Variants in PDZD2 observed in about 807,000 individuals in gnomAD.
PDZD2 encodes the protein PDZ domain containing 2.
Under a neutral mutation model 220.7 loss-of-function variants are expected in PDZD2, and 90 were observed. The ratio of observed to expected loss-of-function variants is 0.41; its 90% CI spans 0.34 to 0.49. The LOEUF is 0.49. Among genes scored for constraint, PDZD2 ranks in the 20% least tolerant of loss-of-function variants. The pLI, the probability that PDZD2 is intolerant of heterozygous loss-of-function variation, is 0.28. For missense variants in PDZD2, 3,174 were observed against 3,608.5 expected (o/e 0.88, Z 3.08); for synonymous variants, 1,375 against 1,450.5 (o/e 0.95, Z 1.18).
At chr5:31,831,254 C>G (rs1378188506) in intron 2 of PDZD2, among the ~76,000 whole-genome samples, 1 of 151,926 alleles carries the variant, frequency 6.6e-6, no homozygotes, top group East Asian at 1.9e-4. Flanking sequence ...GAGGCTGAGG[C>G]AGTGGATCAC....
Position 32,028,218 on chromosome 5 carries a change from C to G in PDZD2, c.1408-9013C>G, listed in dbSNP as rs2330882. Among the ~76,000 whole-genome samples, 3 of 152,136 alleles carry G rather than the reference C, an allele frequency of 2.0e-5. No individual in the cohort carries two copies. In the East Asian group the frequency reaches 5.8e-4, roughly 29 times the overall value. On this transcript the variant is annotated intron_variant, in intron 6 of 24. Coordinates refer to ENST00000438447, the MANE Select transcript of PDZD2 (RefSeq NM_178140.4). ...TGCAAGAGCTGGCTGAGAAAGACAG[C>G]GGATACTCAGGATTGCGACATGCTA... is the stretch of plus-strand genomic sequence containing the variant.
At chr5:31,744,914 C>CA (rs890309199) in intron 1 of PDZD2, among the ~76,000 whole-genome samples, 12 of 150,588 alleles carry the variant, frequency 8.0e-5, no homozygotes, top group Non-Finnish European at 7.4e-5. Context: ...ACTAAAAATA[C>CA]AAAAAAAAAT....
In PDZD2 at chr5:32,037,133, G is replaced by A. The variant is rs73751905; in HGVS notation, c.1408-98G>A. 7.4e-3 allele frequency: 5,403 copies of A among 733,112 alleles called. 206 individuals carry two copies. In the African/African-American group the frequency reaches 0.084, roughly 11 times the overall value. 45.4% of individuals were successfully genotyped at this position (733,112 alleles called of 1,614,324 possible). A position where few individuals can be genotyped will look rare whatever the true frequency, so the allele number is the denominator to read the frequency against. Reference sequence around the variant, plus strand: ...CTTCTTCTCACATAACACCTGTATTGCTGCTCCTTGAGCCTTGAGATAACA... The same window carrying A: ...CTTCTTCTCACATAACACCTGTATTACTGCTCCTTGAGCCTTGAGATAACA... On this transcript the variant is annotated intron_variant, in intron 6 of 24. Coordinates refer to ENST00000438447, the MANE Select transcript of PDZD2 (RefSeq NM_178140.4).
At position 32,110,746 on chromosome 5, in the gene PDZD2, A is replaced by T. The variant is rs905695840; in HGVS notation, c.*2611A>T. 6.6e-6 allele frequency: 1 copy of T among 152,656 alleles called. No homozygotes were observed. The highest frequency in any genetic ancestry group is 2.4e-5 in the African/African-American group (1 of 41,456). The allele number at this position is 152,656 out of a possible 1,614,324, so 9.5% of individuals were successfully genotyped here. A position where few individuals can be genotyped will look rare whatever the true frequency, so the allele number is the denominator to read the frequency against. The stretch of plus-strand genomic sequence containing the variant: ...GACTTAATTGGCACCATAACTTTGT[A>T]TGATATTATACATTAACCTTTATTT... On this transcript the variant is annotated 3_prime_UTR_variant, in exon 25 of 25. Coordinates refer to ENST00000438447, the MANE Select transcript of PDZD2 (RefSeq NM_178140.4).
chr5:32,066,188 CA>C (rs374845990), intron 14 of PDZD2, among the ~76,000 whole-genome samples: 1 of 150,768 alleles, frequency 6.6e-6, no homozygotes, highest in Admixed American at 6.6e-5. Context: ...ACTAAAAATA[CA>C]AAAAAAATTG....
intron 1 of PDZD2, among the ~76,000 whole-genome samples, chr5:31,772,811 C>T (rs377425320): frequency 1.3e-5 from 2 of 152,230 alleles, no homozygotes; most frequent in African/African-American, 4.8e-5. Flanking sequence ...TGCACAGAAT[C>T]AGGCCTTTCC....
At chr5:31,859,002 C>G (rs1758698348) in intron 2 of PDZD2, among the ~76,000 whole-genome samples, 1 of 152,030 alleles carries the variant, frequency 6.6e-6, no homozygotes, top group Non-Finnish European at 1.5e-5. Context: ...GATGTGAGCC[C>G]CCGAGCCCAG....
chr5:31,914,648 A>G (rs936879289), intron 2 of PDZD2, among the ~76,000 whole-genome samples: 3 of 152,248 alleles, frequency 2.0e-5, no homozygotes, highest in Non-Finnish European at 2.9e-5. Flanking sequence ...GACAGATGTC[A>G]ATGTGAGAAA....
rs1200869347 is a variant in PDZD2 at position 31,805,014 on chromosome 5, C to A, written c.476+5290C>A. Among the ~76,000 whole-genome samples, 9 of 152,102 alleles carry A rather than the reference C, an allele frequency of 5.9e-5. No individual in the cohort carries two copies. The East Asian group carries it at 1.7e-3, about 29-fold the overall frequency. On this transcript the variant is annotated intron_variant, in intron 2 of 24. Transcript: ENST00000438447. ...TTTGAGACCAGCCTGGCCAACATGGCGAAACCCTGCCTCTACTACAAATAC... is the reference window on the plus strand; with the variant it reads ...TTTGAGACCAGCCTGGCCAACATGGAGAAACCCTGCCTCTACTACAAATAC...
At chr5:31,724,318 A>G (rs1748982757) in intron 1 of PDZD2, among the ~76,000 whole-genome samples, 1 of 151,806 alleles carries the variant, frequency 6.6e-6, no homozygotes, top group Admixed American at 6.6e-5. Context: ...CATCTCCCTA[A>G]AAGGCCGGGC....
chr5:32,030,631 C>T (rs1755046132), intron 6 of PDZD2, among the ~76,000 whole-genome samples: 1 of 152,106 alleles, frequency 6.6e-6, no homozygotes, highest in Non-Finnish European at 1.5e-5. Context: ...TCCTAACATA[C>T]TAATCTAGAT....
At position 32,063,816 on chromosome 5, in the gene PDZD2, A is replaced by G. The variant is rs556656435; in HGVS notation, c.2451+2682A>G. ...AGATTTGCAATTGTGGACGGAATCA[A>G]TAGCTTCTATCAAATTCTCAGTCAT... On this transcript the variant is annotated intron_variant, in intron 14 of 24. Transcript: ENST00000438447. 1.4e-4 allele frequency among the ~76,000 whole-genome samples: 21 copies of G among 152,338 alleles called. No individual in the cohort carries two copies. The East Asian group carries it at 4.0e-3, about 29-fold the overall frequency.
intron 1 of PDZD2, among the ~76,000 whole-genome samples, chr5:31,670,453 G>T (rs1746170975): frequency 6.6e-6 from 1 of 152,252 alleles, no homozygotes; most frequent in African/African-American, 2.4e-5. Context: ...GTCTCGCCCT[G>T]TCGCCCAGGC....
At chr5:31,691,893 A>C (rs1038474680) in intron 1 of PDZD2, among the ~76,000 whole-genome samples, 1 of 152,236 alleles carries the variant, frequency 6.6e-6, no homozygotes, top group Non-Finnish European at 1.5e-5. Flanking sequence ...AGAATCCCTT[A>C]GCTAGACATA....
At chr5:31,663,598 A>G (rs932363319) in intron 1 of PDZD2, among the ~76,000 whole-genome samples, 4 of 152,322 alleles carry the variant, frequency 2.6e-5, no homozygotes, top group Admixed American at 1.3e-4. Context: ...GTTCTGGTCT[A>G]CTTGGTTAGT....
chr5:31,736,160 A>G (rs1024661666), intron 1 of PDZD2, among the ~76,000 whole-genome samples: 25 of 152,212 alleles, frequency 1.6e-4, no homozygotes, highest in Non-Finnish European at 4.4e-5. Flanking sequence ...ATTCTTCAAT[A>G]AAATATTTGA....
intron 3 of PDZD2, among the ~76,000 whole-genome samples, chr5:31,989,464 C>G (rs1279406296): frequency 2.3e-5 from 3 of 130,710 alleles, no homozygotes; most frequent in Non-Finnish European, 4.6e-5. Context: ...ACTCCGTCAC[C>G]CAGGCTGGAG....
chr5:31,768,155 G>A (rs1001383614), intron 1 of PDZD2, among the ~76,000 whole-genome samples: 5 of 152,166 alleles, frequency 3.3e-5, no homozygotes, highest in Admixed American at 2.0e-4. Flanking sequence ...AAAGTCTCAC[G>A]TCAAAGAGGT....
At chr5:31,686,806 TATTACA>T (rs1431193792) in intron 1 of PDZD2, among the ~76,000 whole-genome samples, 2 of 152,260 alleles carry the variant, frequency 1.3e-5, no homozygotes, top group African/African-American at 4.8e-5. Context: ...TTTTTGCATA[TATTACA>T]ATTAACTGTT....
Sources: allele counts gnomAD v4.1 joint callset (sites outside exome capture counted in the v4.1 genomes callset), GRCh38; gene constraint gnomAD v4.1.1; transcripts MANE v1.5; gene names NCBI Gene and HGNC (gene_info 2026-07-23, HGNC 2026-07-21).